SH3D19: variants seen among roughly 807,000 people sequenced by gnomAD.
SH3D19 encodes SH3 domain containing 19, also known as SH3 domain-containing protein 19.
Under a neutral mutation model 112.1 loss-of-function variants are expected in SH3D19, and 58 were observed. The observed-to-expected ratio is 0.52, with a 90% CI of 0.42 to 0.64. SH3D19 has a LOEUF of 0.64. Among genes scored for constraint, SH3D19 ranks in the 30% least tolerant of loss-of-function variants. The pLI is 0.00. For synonymous variants in SH3D19, 391 were observed against 448.5 expected (o/e 0.87, Z 1.62); for missense variants, 1,090 against 1,263.4 (o/e 0.86, Z 2.08).
intron 1 of SH3D19, among the ~76,000 whole-genome samples, chr4:151,305,249 C>T (rs1332161121): frequency 6.6e-6 from 1 of 152,022 alleles, no homozygotes; most frequent in Non-Finnish European, 1.5e-5. Context: ...ATGGCCCATA[C>T]ACAGAAAAAA....
At chr4:151,227,677 A>G (rs1378654405) in intron 1 of SH3D19, 2 of 900,012 alleles carry the variant, frequency 2.2e-6, no homozygotes, top group Non-Finnish European at 1.3e-6. Flanking sequence ...CTTCGCTACA[A>G]AAATGAAGTA....
At chr4:151,169,390 C>G (rs572575052) in intron 7 of SH3D19, among the ~76,000 whole-genome samples, 2 of 152,150 alleles carry the variant, frequency 1.3e-5, no homozygotes, top group Admixed American at 1.3e-4. Flanking sequence ...TGATCTCCCC[C>G]AGCTGTGCTC....
In SH3D19 at chr4:151,208,884, A is replaced by C. The variant is rs551758361; in HGVS notation, c.152+17163T>G. ...AGTAGAGACGGGGTTTCACCGTGTT[A>C]GCCAGGATGATCTTGATCTCCTGAC... On this transcript the variant is annotated intron_variant, in intron 2 of 19. Coordinates refer to ENST00000604030, the MANE Select transcript of SH3D19 (RefSeq NM_001378122.1). 1.9e-3 allele frequency among the ~76,000 whole-genome samples: 284 copies of C among 147,010 alleles called. 1 individual carries two copies. The highest frequency in any genetic ancestry group is 6.5e-3 in the African/African-American group (257 of 39,632).
chr4:151,135,421 ATT>A (rs34291277), intron 14 of SH3D19, among the ~76,000 whole-genome samples: 2 of 87,462 alleles, frequency 2.3e-5, no homozygotes, highest in African/African-American at 4.9e-5. Flanking sequence ...TCTCTATCTC[ATT>A]TTTTTTTTTT....
At chr4:151,234,766 TAG>T (rs1561387899) in intron 1 of SH3D19, among the ~76,000 whole-genome samples, 2 of 87,138 alleles carry the variant, frequency 2.3e-5, no homozygotes, top group East Asian at 3.9e-4. Flanking sequence ...TTTTTTTTTT[TAG>T]ACAGGGGCTC....
intron 1 of SH3D19, chr4:151,300,727 T>TA (rs35204289): frequency 0.33 from 50,647 of 151,920 alleles, 9,811 homozygotes; most frequent in Non-Finnish European, 0.44. Flanking sequence ...TTGTGTTTTA[T>TA]AAAAATTGCT....
chr4:151,253,818 A>C (rs1771598494), intron 1 of SH3D19, among the ~76,000 whole-genome samples: 1 of 152,154 alleles, frequency 6.6e-6, no homozygotes, highest in African/African-American at 2.4e-5. Flanking sequence ...TTACAACTAC[A>C]ATACAACCTC....
In SH3D19 at chr4:151,165,584, C is replaced by T. The variant is rs1227251502; in HGVS notation, c.1642+5G>A. 1 of 1,609,254 alleles carries T rather than the reference C, an allele frequency of 6.2e-7. No individual in the cohort carries two copies. The highest frequency in any genetic ancestry group is 1.1e-5 in the South Asian group (1 of 90,800). ...AGCTAATAAAGAAAGCAGAGAAGTG[C>T]TTACATTTTCCTGGTTTGGCTGGAA... On this transcript the variant is annotated splice_donor_5th_base_variant and intron_variant, in intron 8 of 19. Coordinates refer to ENST00000604030, the MANE Select transcript of SH3D19 (RefSeq NM_001378122.1).
chr4:151,299,537 G>A (rs896663797), intron 1 of SH3D19, among the ~76,000 whole-genome samples: 1 of 130,236 alleles, frequency 7.7e-6, no homozygotes, highest in African/African-American at 2.9e-5. Context: ...CCGAGATTGC[G>A]CCACTGCACT....
intron 1 of SH3D19, among the ~76,000 whole-genome samples, chr4:151,259,137 A>G (rs757920070): frequency 4.6e-5 from 7 of 152,102 alleles, no homozygotes; most frequent in Non-Finnish European, 1.0e-4. Flanking sequence ...TAACAGAGTG[A>G]GACCTTGTCT....
intron 17 of SH3D19, among the ~76,000 whole-genome samples, chr4:151,129,703 T>C (rs1437579077): frequency 6.6e-6 from 1 of 152,142 alleles, no homozygotes; most frequent in African/African-American, 2.4e-5. Flanking sequence ...CAGGCAAGGT[T>C]TCCAGACCCA....
rs564863644 is a variant in SH3D19 at position 151,320,368 on chromosome 4, G to C, written c.112+4873C>G. Among the ~76,000 whole-genome samples, 3 of 152,300 alleles carry C rather than the reference G, an allele frequency of 2.0e-5. No homozygotes were observed. The East Asian group carries it at 5.8e-4, about 29-fold the overall frequency. On this transcript the variant is annotated intron_variant, in intron 1 of 19. Coordinates refer to ENST00000604030, the MANE Select transcript of SH3D19 (RefSeq NM_001378122.1). Reference sequence around the variant, plus strand: ...CAGGCAGAGATTCTCAAATCTGTTTGAGAATCTGATGAAAGCTATGGCATT... The same window carrying C: ...CAGGCAGAGATTCTCAAATCTGTTTCAGAATCTGATGAAAGCTATGGCATT...
intron 2 of SH3D19, among the ~76,000 whole-genome samples, chr4:151,196,565 G>GTT (rs55784080): frequency 2.0e-5 from 3 of 146,788 alleles, no homozygotes; most frequent in Admixed American, 6.8e-5. Flanking sequence ...TATAGTATTA[G>GTT]TTTTTTTTTT....
intron 1 of SH3D19, among the ~76,000 whole-genome samples, chr4:151,308,053 G>A (rs1435623809): frequency 2.0e-5 from 3 of 152,028 alleles, no homozygotes; most frequent in Non-Finnish European, 4.4e-5. Flanking sequence ...TTACAGGCAC[G>A]GGCCACCACA....
chr4:151,159,400 T>C (rs767905767), intron 8 of SH3D19, 48 bp from the exon 9 acceptor site: 4 of 1,126,692 alleles, frequency 3.6e-6, no homozygotes, highest in Non-Finnish European at 5.2e-6. Context: ...TTTCTGGGAT[T>C]CCAAAGAATG....
intron 1 of SH3D19, among the ~76,000 whole-genome samples, chr4:151,272,829 C>A (rs1021870478): frequency 6.6e-6 from 1 of 151,192 alleles, no homozygotes; most frequent in Non-Finnish European, 1.5e-5. Flanking sequence ...CTGCCTTGTC[C>A]CACTTTTAGT....
chr4:151,140,387 T>G (rs2149759275), intron 12 of SH3D19: 1 of 152,524 alleles, frequency 6.6e-6, no homozygotes, highest in Non-Finnish European at 1.5e-5. Flanking sequence ...AACTAAGTGC[T>G]TTTTCTAATT....
At chr4:151,277,123 A>G in intron 1 of SH3D19, 4 of 1,329,200 alleles carry the variant, frequency 3.0e-6, no homozygotes, top group Non-Finnish European at 3.9e-6. Context: ...TCTTCCTGGG[A>G]GCCTGAGTCC....
intron 2 of SH3D19, among the ~76,000 whole-genome samples, chr4:151,218,735 G>A (rs183096724): frequency 3.3e-5 from 5 of 152,038 alleles, no homozygotes; most frequent in South Asian, 4.1e-4. Flanking sequence ...TATGACTTCC[G>A]CACATCTTTT....
Sources: gnomAD v4.1 joint callset for allele counts (sites outside exome capture counted in the v4.1 genomes callset) on GRCh38, gnomAD v4.1.1 for gene constraint, MANE v1.5 for transcripts, NCBI Gene and HGNC (gene_info 2026-07-23, HGNC 2026-07-21) for gene names.